Variants in PPARG observed in about 807,000 individuals in gnomAD.
PPARG encodes peroxisome proliferator activated receptor gamma.
PPARG carries 17 observed loss-of-function variants against 39.2 expected under a neutral mutation model. The ratio of observed to expected loss-of-function variants is 0.43; its 90% confidence interval spans 0.30 to 0.65. The LOEUF (loss-of-function observed/expected upper bound fraction) is 0.65. PPARG is among the 30% of genes least tolerant of loss of function. The probability of loss-of-function intolerance (pLI) is 0.13; values close to 1 mark genes in which losing one functional copy is unlikely to be tolerated. For missense variants in PPARG, 406 were observed against 585.9 expected, an observed-to-expected ratio of 0.69 and a Z score of 3.17; for synonymous variants, 223 against 215.7, an observed-to-expected ratio of 1.03 and a Z score of -0.30.
intron 2 of PPARG, among the ~76,000 whole-genome samples, chr3:12,365,930 T>C (rs1394651344): frequency 6.6e-6 from 1 of 152,130 alleles, no homozygotes; most frequent in East Asian, 1.9e-4. Flanking sequence ...TTTGCCAATA[T>C]CCACAAAATA....
chr3:12,367,439 G>A (rs2049052677), intron 2 of PPARG, among the ~76,000 whole-genome samples: 1 of 152,116 alleles, frequency 6.6e-6, no homozygotes, highest in South Asian at 2.1e-4. Context: ...CAGAAGAAAT[G>A]TTTATATTGG....
chr3:12,298,314 A>AG (rs1413291705), intron 1 of PPARG, among the ~76,000 whole-genome samples: 1 of 148,748 alleles, frequency 6.7e-6, no homozygotes, highest in Non-Finnish European at 1.5e-5. Flanking sequence ...AAAAAAAAAA[A>AG]AAAAAAAAAA....
intron 2 of PPARG, among the ~76,000 whole-genome samples, chr3:12,324,939 G>T (rs1218611585): frequency 6.6e-6 from 1 of 152,142 alleles, no homozygotes; most frequent in Non-Finnish European, 1.5e-5. Flanking sequence ...AACTACCAAT[G>T]AATATTTATG....
intron 2 of PPARG, among the ~76,000 whole-genome samples, chr3:12,358,850 C>T (rs898943353): frequency 5.9e-5 from 9 of 152,162 alleles, no homozygotes; most frequent in African/African-American, 1.9e-4. Context: ...AAAATCTCAT[C>T]ACCTTTGCTA....
At chr3:12,346,036 C>T (rs921804008) in intron 2 of PPARG, among the ~76,000 whole-genome samples, 20 of 152,184 alleles carry the variant, frequency 1.3e-4, no homozygotes, top group African/African-American at 4.1e-4. Flanking sequence ...TTACATGCAA[C>T]GACAAGTTAA....
chr3:12,303,084 C>T (rs1241696183), intron 1 of PPARG, among the ~76,000 whole-genome samples: 1 of 152,166 alleles, frequency 6.6e-6, no homozygotes, highest in African/African-American at 2.4e-5. Context: ...TTTTGCATTT[C>T]ATAGCAATAT....
chr3:12,358,684 G>C (rs1169344612), intron 2 of PPARG, among the ~76,000 whole-genome samples: 1 of 152,146 alleles, frequency 6.6e-6, no homozygotes, highest in African/African-American at 2.4e-5. Flanking sequence ...AAGTGAGTTT[G>C]ATAATGGGTT....
At chr3:12,404,449 G>T (rs1226455576) in intron 5 of PPARG, among the ~76,000 whole-genome samples, 1 of 152,232 alleles carries the variant, frequency 6.6e-6, no homozygotes, top group Admixed American at 6.5e-5. Flanking sequence ...AGATGGGAAA[G>T]TTGTCGTGTG....
intron 2 of PPARG, among the ~76,000 whole-genome samples, chr3:12,363,680 A>G (rs564631421): frequency 6.6e-6 from 1 of 152,154 alleles, no homozygotes; most frequent in Non-Finnish European, 1.5e-5. Flanking sequence ...GTACTCTGGC[A>G]GATCTGCGGT....
At chr3:12,332,562 A>G (rs1240062655) in intron 2 of PPARG, among the ~76,000 whole-genome samples, 1 of 152,146 alleles carries the variant, frequency 6.6e-6, no homozygotes, top group Non-Finnish European at 1.5e-5. Context: ...TTTTTGTTTA[A>G]TATGTGGATT....
intron 4 of PPARG, among the ~76,000 whole-genome samples, chr3:12,390,636 C>CTTTTTTTTTTTTTTTTTTT (rs1382187854): frequency 1.4e-5 from 1 of 69,186 alleles, no homozygotes. Context: ...GTATTTTCTT[C>CTTTTTTTTTTTTTTTTTTT]CTTTTTTTTT....
intron 7 of PPARG, among the ~76,000 whole-genome samples, chr3:12,431,712 G>A (rs1259694203): frequency 6.6e-6 from 1 of 152,164 alleles, no homozygotes; most frequent in Non-Finnish European, 1.5e-5. Flanking sequence ...GGCTGAGGCA[G>A]GAGGATTGGT....
At chr3:12,410,302 C>A (rs992876327) in intron 6 of PPARG, among the ~76,000 whole-genome samples, 2 of 152,186 alleles carry the variant, frequency 1.3e-5, no homozygotes, top group African/African-American at 4.8e-5. Flanking sequence ...AGTTTGATAA[C>A]TGAATGGACT....
intron 7 of PPARG, among the ~76,000 whole-genome samples, chr3:12,421,346 G>A (rs1257292139): frequency 6.6e-6 from 1 of 152,214 alleles, no homozygotes; most frequent in Non-Finnish European, 1.5e-5. Flanking sequence ...CTTACTGACA[G>A]GCTGGGCGGT....
intron 5 of PPARG, among the ~76,000 whole-genome samples, chr3:12,395,246 C>T (rs1012754949): frequency 6.6e-6 from 1 of 152,230 alleles, no homozygotes; most frequent in African/African-American, 2.4e-5. Context: ...TCTTACAGTG[C>T]TCTGGTCTTC....
chr3:12,374,283 T>A (rs1335209899), intron 2 of PPARG, among the ~76,000 whole-genome samples: 1 of 152,110 alleles, frequency 6.6e-6, no homozygotes, highest in African/African-American at 2.4e-5. Context: ...AATGAATGCA[T>A]GATATTATGT....
At chr3:12,349,312 A>T (rs778066797) in intron 2 of PPARG, among the ~76,000 whole-genome samples, 6 of 152,336 alleles carry the variant, frequency 3.9e-5, no homozygotes, top group African/African-American at 1.4e-4. Context: ...TACAAATGAG[A>T]TTGGCTCATC....
chr3:12,392,629 A>G lies in PPARG; in HGVS notation c.406A>G (p.Thr136Ala), dbSNP rs2050117686. The G allele has an allele frequency of 6.2e-7, 1 of 1,613,784 alleles. No individual in the cohort carries two copies. ...CEGCKGFFRR[T>A]IRLKLIYDRC... Reference sequence around the variant, plus strand: ...CCCTTTGCAGGGTTTCTTCCGGAGAACAATCAGATTGAAGCTTATCTATGA... The same window carrying G: ...CCCTTTGCAGGGTTTCTTCCGGAGAGCAATCAGATTGAAGCTTATCTATGA... The change falls in exon 5 of 8, where the codon ACA becomes GCA. Residue 136 changes from threonine to alanine, a missense_variant. Around this residue, in one of 2 missense-constraint regions of PPARG, gnomAD observed 275 missense variants for 458.0 expected, o/e 0.60. Coordinates refer to ENST00000651735, the MANE Select transcript of PPARG (RefSeq NM_138711.6).
At chr3:12,362,601 T>C (rs2048885344) in intron 2 of PPARG, among the ~76,000 whole-genome samples, 1 of 152,012 alleles carries the variant, frequency 6.6e-6, no homozygotes, top group Non-Finnish European at 1.5e-5. Context: ...TACAGTCATG[T>C]CATCTGTAAG....
Sources: allele counts gnomAD v4.1 joint callset (sites outside exome capture counted in the v4.1 genomes callset), GRCh38; gene constraint gnomAD v4.1.1; regional missense constraint gnomAD v4.1.1; transcripts MANE v1.5; gene names NCBI Gene and HGNC (gene_info 2026-07-23, HGNC 2026-07-21).